SLC16A2: variants seen among roughly 807,000 people sequenced by gnomAD.
SLC16A2 encodes the protein solute carrier family 16 member 2.
SLC16A2 carries 3 observed loss-of-function variants against 27.2 expected under a neutral mutation model. That is an observed-to-expected ratio of 0.11 (90% confidence interval 0.05 to 0.28). SLC16A2 has a LOEUF of 0.28. Among genes scored for constraint, SLC16A2 ranks in the 10% least tolerant of loss-of-function variants. The probability of loss-of-function intolerance (pLI) is 1.00; values close to 1 mark genes in which losing one functional copy is unlikely to be tolerated. For missense variants in SLC16A2, 295 were observed against 458.5 expected (o/e 0.64, Z 3.26); for synonymous variants, 202 against 187.8 (o/e 1.08, Z -0.62).
chrX:74,456,553 C>G (rs1422044804), intron 1 of SLC16A2, among the ~76,000 whole-genome samples: 4 of 111,707 alleles, frequency 3.6e-5, no homozygotes, highest in African/African-American at 9.8e-5. Context: ...ACAACCACTA[C>G]TACTACTACT....
At chrX:74,506,963 C>T (rs1930145645) in intron 1 of SLC16A2, among the ~76,000 whole-genome samples, 3 of 102,678 alleles carry the variant, frequency 2.9e-5, no homozygotes, top group Admixed American at 1.1e-4. Context: ...GGCAGGGTCT[C>T]GCTTTGTCAC....
intron 1 of SLC16A2, among the ~76,000 whole-genome samples, chrX:74,510,400 AC>A (rs1163538827): frequency 8.9e-6 from 1 of 112,036 alleles, no homozygotes; most frequent in Non-Finnish European, 1.9e-5. Context: ...AAAAAACAAA[AC>A]AAAACACCTG....
rs1930575524 is a variant in SLC16A2, at chrX:74,531,915, T to C, written c.*362T>C. ...TATAATCAACTGCCAAAGGTGCTAC[T>C]GTGTCCCCAGGAGCCTAATAGGGTA... On this transcript the variant is annotated 3_prime_UTR_variant, in exon 6 of 6. Transcript: ENST00000587091. 1 of 281,041 alleles carries C rather than the reference T, an allele frequency of 3.6e-6. No individual in the cohort carries two copies. The highest frequency in any genetic ancestry group is 2.8e-5 in the African/African-American group (1 of 36,355). The allele number at this position is 281,041 out of a possible 1,213,427, so 23.2% of individuals were successfully genotyped here. A position where few individuals can be genotyped will look rare whatever the true frequency, so the allele number is the denominator to read the frequency against.
intron 1 of SLC16A2, among the ~76,000 whole-genome samples, chrX:74,455,290 G>A (rs1440767251): frequency 9.0e-6 from 1 of 111,233 alleles, no homozygotes; most frequent in African/African-American, 3.3e-5. Flanking sequence ...CTCGGGGAAA[G>A]TTAGAGCAGG....
At chrX:74,472,821 C>T (rs894062154) in intron 1 of SLC16A2, among the ~76,000 whole-genome samples, 2 of 111,062 alleles carry the variant, frequency 1.8e-5, no homozygotes, top group Non-Finnish European at 3.8e-5. Context: ...TAAAATAATC[C>T]GTTATACAAT....
chrX:74,467,124 T>C (rs1348198983), intron 1 of SLC16A2, among the ~76,000 whole-genome samples: 5 of 112,243 alleles, frequency 4.5e-5, no homozygotes, highest in African/African-American at 1.6e-4. Flanking sequence ...TCTTCCTGCC[T>C]TTTTCTACCT....
Position 74,421,494 on chromosome X carries a change from G to C in SLC16A2, c.-144G>C, listed in dbSNP as rs952104921. The C allele has an allele frequency of 1.2e-5, 9 of 774,225 alleles. No individual in the cohort carries two copies. The African/African-American group carries it at 1.9e-4, about 16-fold the overall frequency. 63.8% of individuals were successfully genotyped at this position (774,225 alleles called of 1,213,427 possible). A position where few individuals can be genotyped will look rare whatever the true frequency, so the allele number is the denominator to read the frequency against. On this transcript the variant is annotated 5_prime_UTR_variant, in exon 1 of 6. Transcript: ENST00000587091. ...GGACCGTCTGTCGCGGGACGGGCTG[G>C]CCAGCTGGGGCGCGGAGCCTGGAGG... is the stretch of plus-strand genomic sequence containing the variant.
rs1930604496 is a variant in SLC16A2, at chrX:74,533,523, C to T, written c.*1970C>T. On this transcript the variant is annotated 3_prime_UTR_variant, in exon 6 of 6. Coordinates refer to ENST00000587091, the MANE Select transcript of SLC16A2 (RefSeq NM_006517.5). ...AACAATGCCCCTGCTTCCATTTCTC[C>T]CCACCTCACTCTCACCAAGTCACCA... The T allele has an allele frequency of 8.9e-6, 1 of 112,368 alleles. No homozygotes were observed. Among genetic ancestry groups the T allele is most frequent in the Admixed American group, 9.4e-5 (1 of 10,615 alleles). 9.3% of individuals were successfully genotyped at this position (112,368 alleles called of 1,213,427 possible).
At chrX:74,490,485 C>T (rs1024549720) in intron 1 of SLC16A2, among the ~76,000 whole-genome samples, 1 of 111,304 alleles carries the variant, frequency 9.0e-6, no homozygotes, top group Middle Eastern at 4.7e-3. Context: ...TGCCCTCTTA[C>T]TTATCTCAGT....
chrX:74,512,080 G>A (rs1018808397), intron 1 of SLC16A2, among the ~76,000 whole-genome samples: 3 of 111,668 alleles, frequency 2.7e-5, no homozygotes, highest in Non-Finnish European at 3.8e-5. Context: ...TCACTAATGC[G>A]TGCCCACCAC....
At chrX:74,479,635 A>G (rs1258537545) in intron 1 of SLC16A2, among the ~76,000 whole-genome samples, 3 of 111,449 alleles carry the variant, frequency 2.7e-5, no homozygotes, top group Non-Finnish European at 5.7e-5. Context: ...TTGGTCTTTG[A>G]TGATGGTGAT....
At chrX:74,484,399 G>A (rs1278640279) in intron 1 of SLC16A2, among the ~76,000 whole-genome samples, 1 of 112,226 alleles carries the variant, frequency 8.9e-6, no homozygotes, top group Non-Finnish European at 1.9e-5. Context: ...TAAGAACCTG[G>A]GATCAATAGA....
intron 1 of SLC16A2, among the ~76,000 whole-genome samples, chrX:74,471,937 A>G (rs979091702): frequency 8.9e-6 from 1 of 112,566 alleles, no homozygotes; most frequent in Non-Finnish European, 1.9e-5. Context: ...TTCACTTAGC[A>G]TAATGTCTTC....
At chrX:74,441,169 T>G (rs2147841906) in intron 1 of SLC16A2, among the ~76,000 whole-genome samples, 1 of 111,029 alleles carries the variant, frequency 9.0e-6, no homozygotes, top group South Asian at 3.8e-4. Flanking sequence ...GCCATTCTCC[T>G]GCCTCAGCCT....
At chrX:74,508,582 C>CT (rs1337793362) in intron 1 of SLC16A2, among the ~76,000 whole-genome samples, 1 of 111,909 alleles carries the variant, frequency 8.9e-6, no homozygotes, top group East Asian at 2.8e-4. Flanking sequence ...GTTCTAGTAG[C>CT]TTTTTTTGTA....
At chrX:74,502,777 T>C (rs1930059027) in intron 1 of SLC16A2, among the ~76,000 whole-genome samples, 1 of 111,451 alleles carries the variant, frequency 9.0e-6, no homozygotes, top group South Asian at 3.8e-4. Context: ...ACCCTGACAA[T>C]TGACAATAGT....
chrX:74,463,605 C>A (rs184476963), intron 1 of SLC16A2, among the ~76,000 whole-genome samples: 1 of 110,807 alleles, frequency 9.0e-6, no homozygotes, highest in East Asian at 2.8e-4. Context: ...CGGCTCACTG[C>A]AAACTCCTCC....
intron 1 of SLC16A2, among the ~76,000 whole-genome samples, chrX:74,448,693 C>T (rs1217441294): frequency 9.0e-6 from 1 of 110,745 alleles, no homozygotes; most frequent in African/African-American, 3.3e-5. Context: ...GCAAGGCAGG[C>T]TGCAAAGTTT....
intron 1 of SLC16A2, among the ~76,000 whole-genome samples, chrX:74,454,657 A>G (rs186970484): frequency 2.7e-5 from 3 of 109,960 alleles, no homozygotes; most frequent in African/African-American, 1.0e-4. Flanking sequence ...CAGCACACCA[A>G]CATGGCACAT....
Sources: gnomAD v4.1 joint callset for allele counts (sites outside exome capture counted in the v4.1 genomes callset) on GRCh38, gnomAD v4.1.1 for gene constraint, MANE v1.5 for transcripts, NCBI Gene and HGNC (gene_info 2026-07-23, HGNC 2026-07-21) for gene names.